The following EGFLAM variants were observed in gnomAD, a reference collection of about 807,000 sequenced individuals.
EGFLAM encodes EGF like, fibronectin type III and laminin G domains, also known as pikachurin.
A neutral mutation model predicts 113.1 loss-of-function variants in EGFLAM; 79 were observed. The observed-to-expected ratio is 0.70, with a 90% CI of 0.58 to 0.84. The LOEUF is 0.84. EGFLAM is among the 40% of genes least tolerant of loss of function. The probability of loss-of-function intolerance (pLI) is 0.00; values close to 1 mark genes in which losing one functional copy is unlikely to be tolerated. For missense variants in EGFLAM, 1,265 were observed against 1,291.6 expected (o/e 0.98, Z 0.32); for synonymous variants, 504 against 487.6 (o/e 1.03, Z -0.44).
rs1743407670 is a variant in EGFLAM, at chr5:38,464,589, C to T, written c.*603C>T. 6.6e-6 allele frequency: 1 copy of T among 152,430 alleles called. No individual in the cohort carries two copies. Among genetic ancestry groups the T allele is most frequent in the South Asian group, 2.1e-4 (1 of 4,844 alleles). 9.4% of individuals were successfully genotyped at this position (152,430 alleles called of 1,614,324 possible). A position where few individuals can be genotyped will look rare whatever the true frequency, so the allele number is the denominator to read the frequency against. Reference sequence around the variant, plus strand: ...CATAATGCGGCCCCCTTCCCCAGAGCTTACCTCGAATGTGAAATCCCTACT... The same window carrying T: ...CATAATGCGGCCCCCTTCCCCAGAGTTTACCTCGAATGTGAAATCCCTACT... On this transcript the variant is annotated 3_prime_UTR_variant, in exon 22 of 22. Coordinates refer to ENST00000322350, the MANE Select transcript of EGFLAM (RefSeq NM_152403.4).
intron 1 of EGFLAM, among the ~76,000 whole-genome samples, chr5:38,279,008 A>T (rs182817955): frequency 6.6e-6 from 1 of 152,282 alleles, no homozygotes; most frequent in Non-Finnish European, 1.5e-5. Context: ...GAACTAAAAC[A>T]ATTCAATAGT....
intron 1 of EGFLAM, among the ~76,000 whole-genome samples, chr5:38,336,341 A>T (rs1297420092): frequency 6.6e-6 from 1 of 152,196 alleles, no homozygotes; most frequent in African/African-American, 2.4e-5. Flanking sequence ...TGGGAGGCCA[A>T]GGCGGGCAGG....
chr5:38,413,956 A>G (rs1162553133), intron 11 of EGFLAM, among the ~76,000 whole-genome samples: 1 of 152,188 alleles, frequency 6.6e-6, no homozygotes, highest in Non-Finnish European at 1.5e-5. Flanking sequence ...TAAGAATCTA[A>G]TGGCACAGCT....
intron 21 of EGFLAM, 83 bp from the exon 22 acceptor site, chr5:38,463,749 A>C: frequency 1.3e-6 from 2 of 1,552,740 alleles, no homozygotes; most frequent in Non-Finnish European, 8.8e-7. Context: ...GCAGCCATTC[A>C]AGTGCCCCAA....
intron 18 of EGFLAM, among the ~76,000 whole-genome samples, chr5:38,449,949 G>A (rs140671456): frequency 3.3e-5 from 5 of 152,238 alleles, no homozygotes; most frequent in East Asian, 1.9e-4. Flanking sequence ...TGTCCTCAGC[G>A]TCTTCTCCAG....
intron 6 of EGFLAM, among the ~76,000 whole-genome samples, chr5:38,388,947 A>G (rs926391679): frequency 1.3e-5 from 2 of 151,800 alleles, no homozygotes; most frequent in African/African-American, 4.8e-5. Flanking sequence ...AAAAAATGCA[A>G]ATGAGTTTTT....
chr5:38,377,189 T>C (rs1421979451), intron 6 of EGFLAM, among the ~76,000 whole-genome samples: 2 of 151,658 alleles, frequency 1.3e-5, no homozygotes, highest in Non-Finnish European at 2.9e-5. Context: ...TCGTGCGATC[T>C]CAGTTCACTG....
chr5:38,286,867 G>A (rs542626138), intron 1 of EGFLAM, among the ~76,000 whole-genome samples: 127 of 152,300 alleles, frequency 8.3e-4, no homozygotes, highest in African/African-American at 3.0e-3. Flanking sequence ...TACGCAGGCA[G>A]TCATGTCCAA....
chr5:38,410,752 T>G (rs778040133), intron 10 of EGFLAM, among the ~76,000 whole-genome samples: 6 of 152,198 alleles, frequency 3.9e-5, no homozygotes, highest in Non-Finnish European at 8.8e-5. Context: ...CTCACCTCAC[T>G]GCTGAGCCTC....
chr5:38,391,133 G>A (rs907123734), intron 6 of EGFLAM, among the ~76,000 whole-genome samples: 1 of 151,626 alleles, frequency 6.6e-6, no homozygotes, highest in Admixed American at 6.6e-5. Context: ...TCATATTTAG[G>A]GTGTTAATCC....
intron 19 of EGFLAM, among the ~76,000 whole-genome samples, chr5:38,452,792 C>T (rs7715172): frequency 2.6e-5 from 4 of 152,118 alleles, no homozygotes; most frequent in Non-Finnish European, 5.9e-5. Flanking sequence ...TTACCGATAA[C>T]GCAGTGCCAG....
chr5:38,373,565 T>G (rs1428679272), intron 6 of EGFLAM, among the ~76,000 whole-genome samples: 1 of 152,190 alleles, frequency 6.6e-6, no homozygotes, highest in South Asian at 2.1e-4. Context: ...ACCTCCAGTT[T>G]CATTCATGTT....
chr5:38,350,660 T>A, intron 4 of EGFLAM, 42 bp downstream of exon 4: 3 of 1,554,976 alleles, frequency 1.9e-6, no homozygotes, highest in Non-Finnish European at 2.7e-6. Context: ...CAGGCTGCTA[T>A]CCATGCATCC....
rs575935649 is a variant in EGFLAM, at chr5:38,407,004, T to C, written c.1005T>C (p.Gly335=). The C allele has an allele frequency of 1.3e-5, 21 of 1,614,156 alleles. No homozygotes were observed. In the African/African-American group the frequency reaches 2.5e-4, roughly 19 times the overall value. The change falls in exon 8 of 22, where the codon GGT becomes GGC. Residue 335 remains glycine (G), a synonymous_variant. Coordinates refer to ENST00000322350, the MANE Select transcript of EGFLAM (RefSeq NM_152403.4). ...PIPIQRKGKN[G]VAIMSRLFDM... ...CCATACAGAGAAAGGGGAAGAATGG[T>C]GTGGCCATAATGTCAAGGCTCTTTG...
intron 3 of EGFLAM, among the ~76,000 whole-genome samples, chr5:38,341,485 A>T (rs1232229048): frequency 2.6e-5 from 4 of 152,234 alleles, no homozygotes; most frequent in Non-Finnish European, 5.9e-5. Context: ...CACCCTTGAC[A>T]CATGGGGATT....
chr5:38,326,642 G>A (rs1738891707), intron 1 of EGFLAM, among the ~76,000 whole-genome samples: 2 of 151,544 alleles, frequency 1.3e-5, no homozygotes, highest in African/African-American at 4.9e-5. Context: ...ACAGGCACCT[G>A]CCACCACGCC....
intron 17 of EGFLAM, among the ~76,000 whole-genome samples, chr5:38,444,262 A>G (rs982838039): frequency 1.3e-5 from 2 of 152,202 alleles, no homozygotes; most frequent in African/African-American, 4.8e-5. Context: ...CAGTGAGGCC[A>G]TTGCCACAGA....
At chr5:38,369,960 G>T (rs1414808286) in intron 5 of EGFLAM, among the ~76,000 whole-genome samples, 1 of 152,214 alleles carries the variant, frequency 6.6e-6, no homozygotes, top group Non-Finnish European at 1.5e-5. Flanking sequence ...CCAAAGGGAG[G>T]ATTGTTTGTG....
chr5:38,445,814 C>T (rs1014647935), intron 17 of EGFLAM: 3 of 1,182,002 alleles, frequency 2.5e-6, no homozygotes, highest in Non-Finnish European at 1.2e-6. Context: ...CATGCCTACG[C>T]GTGGTGGGAA....
Sources: gnomAD v4.1 joint callset for allele counts (sites outside exome capture counted in the v4.1 genomes callset) on GRCh38, gnomAD v4.1.1 for gene constraint, MANE v1.5 for transcripts, NCBI Gene and HGNC (gene_info 2026-07-23, HGNC 2026-07-21) for gene names.